The following EXPH5 variants were observed in gnomAD, a reference collection of about 807,000 sequenced individuals.
EXPH5 encodes exophilin 5.
Under a neutral mutation model 41.1 loss-of-function variants are expected in EXPH5, and 42 were observed. The ratio of observed to expected loss-of-function variants is 1.02; its 90% CI spans 0.80 to 1.32. The LOEUF (loss-of-function observed/expected upper bound fraction) is 1.32, where lower values mean the gene tolerates loss of function less well. EXPH5 is among the 40% of genes most tolerant of loss of function. EXPH5 has a pLI of 0.00. For missense variants in EXPH5, 2,298 were observed against 2,314.5 expected (o/e 0.99, Z 0.15); for synonymous variants, 798 against 833.5 (o/e 0.96, Z 0.73).
intron 1 of EXPH5, among the ~76,000 whole-genome samples, chr11:108,588,373 G>A (rs1055638435): frequency 3.9e-5 from 6 of 152,176 alleles, no homozygotes; most frequent in Non-Finnish European, 8.8e-5. Flanking sequence ...ATTTAAAGTG[G>A]ATAGATCCCA....
chr11:108,510,360 G>A lies in EXPH5; in HGVS notation c.5147C>T (p.Ser1716Phe), dbSNP rs1251260124. The A allele has an allele frequency of 1.9e-6, 3 of 1,614,088 alleles. No homozygotes were observed. Among genetic ancestry groups the A allele is most frequent in the African/African-American group, 2.7e-5 (2 of 74,936 alleles). The change falls in exon 6 of 6, where the codon TCT (serine) becomes TTT (phenylalanine). Residue 1716 changes from serine to phenylalanine, a missense_variant. Physicochemically the swap from Ser to Phe is radical, Grantham distance 155 (BLOSUM62 -2). Coordinates refer to ENST00000265843, the MANE Select transcript of EXPH5 (RefSeq NM_015065.3). ...ATTCTGAGCTGCTGTGACGTCTTTA[G>A]AATTCTCATGCTTTGATGGTGATTC... Reference protein sequence around the residue: ...VSESPSKHENSKDVTAAQNLV... With the variant: ...VSESPSKHENFKDVTAAQNLV...
At position 108,593,443 on chromosome 11, in the gene EXPH5, G is replaced by A; in HGVS notation, c.94C>T (p.Gln32Ter). The A allele has an allele frequency of 6.2e-7, 1 of 1,614,082 alleles. No individual in the cohort carries two copies. The highest frequency in any genetic ancestry group is 1.1e-5 in the South Asian group (1 of 91,040). ...CTGATCCTGTCCTTCTCGGCCCTCT[G>A]TAACTCCTCATTCCTTTCCAGCACC... ...LQVLERNEEL[Q>*]RAEKDRISKL... The change falls in exon 1 of 6, where the codon CAG (glutamine) becomes TAG (stop). Residue 32 changes from glutamine to a stop codon, truncating the protein, a stop_gained. Coordinates refer to ENST00000265843, the MANE Select transcript of EXPH5 (RefSeq NM_015065.3). LOFTEE classifies it high-confidence loss of function.
At chr11:108,555,063 T>C (rs11212704) in intron 1 of EXPH5, among the ~76,000 whole-genome samples, 36,638 of 152,106 alleles carry the variant, frequency 0.24, 5,065 homozygotes, top group African/African-American at 0.39. Flanking sequence ...CACAGCATGA[T>C]CATGAGAAAA....
At chr11:108,541,557 G>T (rs912413749) in intron 2 of EXPH5, 95 bp downstream of exon 2, 4 of 721,768 alleles carry the variant, frequency 5.5e-6, no homozygotes, top group African/African-American at 3.6e-5. Context: ...TTCTAAACAT[G>T]GATTGGTTAC....
the EXPH5 span, among the ~76,000 whole-genome samples, chr11:108,604,388 C>T: frequency 6.6e-6 from 1 of 151,982 alleles, no homozygotes; most frequent in African/African-American, 2.4e-5. Context: ...AGAGCAAGAT[C>T]CTGTCTCAAA....
At chr11:108,545,377 A>T (rs2093933367) in intron 1 of EXPH5, among the ~76,000 whole-genome samples, 1 of 152,240 alleles carries the variant, frequency 6.6e-6, no homozygotes, top group South Asian at 2.1e-4. Context: ...AAATGCTGGC[A>T]TACAATGGTA....
At chr11:108,596,972 AC>A (rs2094139711), upstream of EXPH5, among the ~76,000 whole-genome samples, 1 of 152,112 alleles carries the variant, frequency 6.6e-6, no homozygotes. Context: ...AATCCTGGCA[AC>A]CTTTTGCCCA....
At position 108,506,036 on chromosome 11, in the gene EXPH5, T is replaced by C. The variant is rs1208052661; in HGVS notation, c.*3501A>G. On this transcript the variant is annotated 3_prime_UTR_variant, in exon 6 of 6. Transcript: ENST00000265843. ...CCTATTTTAAACAGACTTTACAGTA[T>C]AAAATTTATGGTTATAGAAATCTAG... 2 of 152,198 alleles carry C rather than the reference T, an allele frequency of 1.3e-5. No individual in the cohort carries two copies. Among genetic ancestry groups the C allele is most frequent in the African/African-American group, 4.8e-5 (2 of 41,448 alleles). 9.4% of individuals were successfully genotyped at this position (152,198 alleles called of 1,614,324 possible). A position where few individuals can be genotyped will look rare whatever the true frequency, so the allele number is the denominator to read the frequency against.
chr11:108,539,231 TA>T, intron 2 of EXPH5, 45 bp from the exon 3 acceptor site: 1 of 1,346,448 alleles, frequency 7.4e-7, no homozygotes, highest in Non-Finnish European at 1.0e-6. Flanking sequence ...TACTTCCAAG[TA>T]AATATACTTG....
At chr11:108,530,557 T>G (rs2093830779) in intron 3 of EXPH5, among the ~76,000 whole-genome samples, 1 of 152,168 alleles carries the variant, frequency 6.6e-6, no homozygotes, top group Non-Finnish European at 1.5e-5. Context: ...GACTGGCAAG[T>G]AATCCAATAT....
chr11:108,528,569 C>T (rs1381700385), intron 3 of EXPH5, among the ~76,000 whole-genome samples: 3 of 152,110 alleles, frequency 2.0e-5, no homozygotes, highest in Non-Finnish European at 4.4e-5. Context: ...ATTATGGCTA[C>T]TCCCATTTTA....
At chr11:108,551,073 G>C (rs535910231) in intron 1 of EXPH5, among the ~76,000 whole-genome samples, 44 of 152,254 alleles carry the variant, frequency 2.9e-4, no homozygotes, top group Non-Finnish European at 1.2e-4. Context: ...CCATCTGCCG[G>C]ATTTTGCAGT....
chr11:108,587,028 C>T (rs1724638243), intron 1 of EXPH5, among the ~76,000 whole-genome samples: 1 of 152,176 alleles, frequency 6.6e-6, no homozygotes, highest in Non-Finnish European at 1.5e-5. Flanking sequence ...TACGAAAGAC[C>T]ATGCCTTAGC....
chr11:108,590,322 C>T (rs1490603071), intron 1 of EXPH5, among the ~76,000 whole-genome samples: 2 of 152,158 alleles, frequency 1.3e-5, no homozygotes, highest in African/African-American at 4.8e-5. Flanking sequence ...GTTATGTTTA[C>T]TGTTTGGATA....
chr11:108,533,215 T>G (rs2093855243), intron 3 of EXPH5, among the ~76,000 whole-genome samples: 1 of 152,114 alleles, frequency 6.6e-6, no homozygotes, highest in Non-Finnish European at 1.5e-5. Flanking sequence ...TTCTATTTTT[T>G]TTTTTGGAGA....
At chr11:108,539,947 A>C (rs1433634131) in intron 2 of EXPH5, among the ~76,000 whole-genome samples, 3 of 152,198 alleles carry the variant, frequency 2.0e-5, no homozygotes, top group African/African-American at 7.2e-5. Context: ...CGGATATTCA[A>C]CCTGTTTATG....
intron 1 of EXPH5, among the ~76,000 whole-genome samples, chr11:108,556,576 G>A (rs1352426639): frequency 1.3e-5 from 2 of 152,062 alleles, no homozygotes; most frequent in African/African-American, 2.4e-5. Flanking sequence ...AGGTTCAAGC[G>A]ATTCTCCTGC....
intron 1 of EXPH5, among the ~76,000 whole-genome samples, chr11:108,588,680 T>C (rs1417366156): frequency 6.6e-6 from 1 of 152,250 alleles, no homozygotes; most frequent in Non-Finnish European, 1.5e-5. Flanking sequence ...ACAGTTGTTT[T>C]ATTAGCTTTT....
chr11:108,603,122 G>A, the EXPH5 span, among the ~76,000 whole-genome samples: 1 of 152,154 alleles, frequency 6.6e-6, no homozygotes, highest in Non-Finnish European at 1.5e-5. Context: ...CCACGATTGT[G>A]AGTTTCCTGA....
Sources: allele counts gnomAD v4.1 joint callset (sites outside exome capture counted in the v4.1 genomes callset), GRCh38; gene constraint gnomAD v4.1.1; transcripts MANE v1.5; gene names NCBI Gene and HGNC (gene_info 2026-07-23, HGNC 2026-07-21).